NEK11: variants seen among roughly 807,000 people sequenced by gnomAD.
NEK11 encodes the protein NIMA related kinase 11.
A neutral mutation model predicts 80.7 loss-of-function variants in NEK11; 72 were observed. The ratio of observed to expected loss-of-function variants is 0.89; its 90% CI spans 0.74 to 1.08. The LOEUF (loss-of-function observed/expected upper bound fraction) is 1.08. NEK11 is among the 50% of genes least tolerant of loss of function. NEK11 has a pLI of 0.00. For missense variants in NEK11, 764 were observed against 763.6 expected (o/e 1.00, Z -0.01); for synonymous variants, 251 against 260.7 (o/e 0.96, Z 0.36).
chr3:131,030,387 G>T (rs2064646002), intron 3 of NEK11, among the ~76,000 whole-genome samples: 1 of 152,198 alleles, frequency 6.6e-6, no homozygotes, highest in African/African-American at 2.4e-5. Context: ...ACCTAAAGAA[G>T]GGAGCTAGAA....
At position 131,065,123 on chromosome 3, in the gene NEK11, A is replaced by G. The variant is rs570540116; in HGVS notation, c.171-15300A>G. ...AAAATTTAAATGCTGGATAAAGATT[A>G]CATTAACAATGAGTAGAAAGAGCTT... is the stretch of plus-strand genomic sequence containing the variant. On this transcript the variant is annotated intron_variant, in intron 3 of 17. Transcript: ENST00000383366. Among the ~76,000 whole-genome samples, 11 of 152,354 alleles carry G rather than the reference A, an allele frequency of 7.2e-5. No homozygotes were observed. In the South Asian group the frequency reaches 2.3e-3, roughly 32 times the overall value.
intron 17 of NEK11, among the ~76,000 whole-genome samples, chr3:131,276,795 A>G (rs1484371742): frequency 6.6e-6 from 1 of 152,174 alleles, no homozygotes; most frequent in African/African-American, 2.4e-5. Flanking sequence ...AGTACATACT[A>G]TTATTTAACA....
At chr3:131,316,287 A>G (rs556919739) in intron 17 of NEK11, among the ~76,000 whole-genome samples, 6 of 152,354 alleles carry the variant, frequency 3.9e-5, no homozygotes, top group Admixed American at 3.9e-4. Context: ...TCTAAAGTGA[A>G]TACTGCCATA....
chr3:131,158,013 A>T (rs372927361), intron 10 of NEK11, among the ~76,000 whole-genome samples: 7 of 152,082 alleles, frequency 4.6e-5, no homozygotes, highest in Admixed American at 3.9e-4. Context: ...ACTTGCTCCC[A>T]TGGGAGGCTT....
chr3:131,037,846 C>G (rs1212515061), intron 3 of NEK11, among the ~76,000 whole-genome samples: 1 of 152,104 alleles, frequency 6.6e-6, no homozygotes, highest in Non-Finnish European at 1.5e-5. Flanking sequence ...TGAACTCAAT[C>G]TATGTATTCT....
chr3:131,264,380 A>T (rs1220306017), intron 16 of NEK11, among the ~76,000 whole-genome samples: 1 of 152,138 alleles, frequency 6.6e-6, no homozygotes, highest in East Asian at 1.9e-4. Context: ...ATCTTGAATT[A>T]ATTTTTGTAT....
At chr3:131,092,031 C>T (rs943570943) in intron 4 of NEK11, among the ~76,000 whole-genome samples, 6 of 152,182 alleles carry the variant, frequency 3.9e-5, no homozygotes, top group South Asian at 2.1e-4. Flanking sequence ...TGTTTACATA[C>T]TACGTTAGGG....
chr3:131,138,045 A>G (rs2085978240), intron 7 of NEK11, among the ~76,000 whole-genome samples: 1 of 152,200 alleles, frequency 6.6e-6, no homozygotes, highest in Admixed American at 6.5e-5. Context: ...AACCACCTTC[A>G]TAAGAACCAA....
chr3:131,329,122 T>A (rs764748499), intron 17 of NEK11: 18 of 152,216 alleles, frequency 1.2e-4, no homozygotes, highest in Non-Finnish European at 2.4e-4. Flanking sequence ...TAAGAGGTCA[T>A]TTTTATCTAA....
At chr3:131,044,207 C>T (rs989283347) in intron 3 of NEK11, among the ~76,000 whole-genome samples, 2 of 151,956 alleles carry the variant, frequency 1.3e-5, no homozygotes, top group African/African-American at 2.4e-5. Context: ...ACAAAATAAC[C>T]AGCTAGCATC....
In NEK11 at chr3:131,174,822, A is replaced by G. The variant is rs767740875; in HGVS notation, c.1399+3935A>G. The G allele has an allele frequency of 2.5e-6, 4 of 1,607,400 alleles. No homozygotes were observed. In the Admixed American group the frequency reaches 5.1e-5, roughly 20 times the overall value. On this transcript the variant is annotated intron_variant, in intron 14 of 17. Transcript: ENST00000383366. ...TTTTCCAAAGCTGGAATAGCCTGAG[A>G]CTCTAGGGCCTGGGTCTACAAGGAG...
In NEK11 at chr3:131,310,569, TCTTA is replaced by T. The variant is rs561532496; in HGVS notation, c.1718+36999_1718+37002del. On this transcript the variant is annotated intron_variant, in intron 17 of 17. Transcript: ENST00000383366. ...TGCATCTCAATTTTTCTTCTTTGTT[TCTTA>T]CTTTTACTTTATACATGACAGATAT... Among the ~76,000 whole-genome samples the T allele has an allele frequency of 2.1e-3, 315 of 152,274 alleles. 2 individuals are homozygous for T. Among genetic ancestry groups the T allele is most frequent in the African/African-American group, 7.3e-3 (305 of 41,530 alleles).
intron 3 of NEK11, among the ~76,000 whole-genome samples, chr3:131,030,402 G>C (rs936671649): frequency 2.0e-5 from 3 of 152,166 alleles, no homozygotes; most frequent in African/African-American, 4.8e-5. Context: ...CTAGAAATGG[G>C]ATAGATTATG....
intron 15 of NEK11, 70 bp downstream of exon 15, chr3:131,228,758 A>G (rs2095268541): frequency 6.8e-7 from 1 of 1,471,644 alleles, no homozygotes; most frequent in African/African-American, 1.4e-5. Flanking sequence ...CAGAGAAGAA[A>G]GGAAGTCTTA....
At chr3:131,274,632 CTTTTTTTTTTTTTTT>C (rs756861338) in intron 17 of NEK11, among the ~76,000 whole-genome samples, 6 of 45,340 alleles carry the variant, frequency 1.3e-4, no homozygotes, top group South Asian at 2.2e-3. Flanking sequence ...TGTTTCCTGA[CTTTTTTTTTTTTTTT>C]TTTTTTTTTT....
intron 17 of NEK11, among the ~76,000 whole-genome samples, chr3:131,314,530 G>T (rs1293733675): frequency 6.6e-6 from 1 of 152,018 alleles, no homozygotes; most frequent in Non-Finnish European, 1.5e-5. Context: ...ACTTCCTATT[G>T]GCAGAGCCTA....
intron 3 of NEK11, among the ~76,000 whole-genome samples, chr3:131,043,808 A>G (rs2066908875): frequency 6.6e-6 from 1 of 152,198 alleles, no homozygotes; most frequent in Non-Finnish European, 1.5e-5. Flanking sequence ...AAGACACATA[A>G]TCGTCAGATT....
At chr3:131,069,243 A>C (rs2072708276) in intron 3 of NEK11, among the ~76,000 whole-genome samples, 1 of 152,222 alleles carries the variant, frequency 6.6e-6, no homozygotes, top group African/African-American at 2.4e-5. Flanking sequence ...CTACTCAAGG[A>C]AATGGAGCTA....
intron 16 of NEK11, among the ~76,000 whole-genome samples, chr3:131,253,608 C>T (rs907114799): frequency 9.2e-5 from 14 of 152,024 alleles, no homozygotes; most frequent in East Asian, 3.9e-4. Flanking sequence ...GATAGAGTGG[C>T]GAAGAAAACA....
Sources: gnomAD v4.1 joint callset for allele counts (sites outside exome capture counted in the v4.1 genomes callset) on GRCh38, gnomAD v4.1.1 for gene constraint, MANE v1.5 for transcripts, NCBI Gene and HGNC (gene_info 2026-07-23, HGNC 2026-07-21) for gene names.